The following PCDHGA5 variants were observed in gnomAD, a reference collection of about 807,000 sequenced individuals.
PCDHGA5 encodes protocadherin gamma-A5.
A neutral mutation model predicts 56.7 loss-of-function variants in PCDHGA5; 36 were observed. The observed-to-expected ratio is 0.64, with a 90% CI of 0.49 to 0.84. The LOEUF (loss-of-function observed/expected upper bound fraction) is 0.84. PCDHGA5 is among the 40% of genes least tolerant of loss of function. The probability of loss-of-function intolerance (pLI) is 0.00; values close to 1 mark genes in which losing one functional copy is unlikely to be tolerated. For synonymous variants in PCDHGA5, 563 were observed against 520.2 expected (o/e 1.08, Z -1.12); for missense variants, 1,305 against 1,201.5 (o/e 1.09, Z -1.27).
chr5:141,422,549 TGAA>T (rs1554114956), intron 1 of PCDHGA5: 8 of 1,614,026 alleles, frequency 5.0e-6, no homozygotes, highest in Non-Finnish European at 6.8e-6. Flanking sequence ...CATGTCTGGC[TGAA>T]TGTGGCAGAT....
intron 1 of PCDHGA5, chr5:141,383,586 G>A (rs1483422462): frequency 6.2e-7 from 1 of 1,613,654 alleles, no homozygotes; most frequent in Admixed American, 1.7e-5. Flanking sequence ...CCCACATCCA[G>A]GTGACAGTGG....
intron 1 of PCDHGA5, among the ~76,000 whole-genome samples, chr5:141,437,886 C>T (rs763669578): frequency 1.1e-4 from 17 of 152,140 alleles, no homozygotes; most frequent in Non-Finnish European, 1.5e-4. Context: ...TACAGGCACA[C>T]GCCACCACAC....
At chr5:141,409,858 G>A in intron 1 of PCDHGA5, 2 of 1,612,340 alleles carry the variant, frequency 1.2e-6, no homozygotes, top group Non-Finnish European at 1.7e-6. Context: ...GCGTGTTGGT[G>A]GGAGACCGCA....
At chr5:141,413,443 A>G (rs2095641277) in intron 1 of PCDHGA5, 1 of 1,613,986 alleles carries the variant, frequency 6.2e-7, no homozygotes, top group Admixed American at 1.7e-5. Context: ...CAGCTTGATC[A>G]CCGCGGGCAG....
rs753051237 is a variant in PCDHGA5, at chr5:141,490,422, A to G, written c.2422-4385A>G. On this transcript the variant is annotated intron_variant, in intron 1 of 3. Coordinates refer to ENST00000518069, the MANE Select transcript of PCDHGA5 (RefSeq NM_018918.3). This position sits in a 1 kb window ranked among gnomAD's most constrained non-coding sequence, Gnocchi z 5.4. Reference sequence around the variant, plus strand: ...GCCTTGATATCTCTCCGGACCTGCCATTTCAGATTAAGCCTTCTGAGAACC... The same window carrying G: ...GCCTTGATATCTCTCCGGACCTGCCGTTTCAGATTAAGCCTTCTGAGAACC... 1 of 1,614,178 alleles carries G rather than the reference A, an allele frequency of 6.2e-7. No individual in the cohort carries two copies. The highest frequency in any genetic ancestry group is 1.7e-5 in the Admixed American group (1 of 60,030).
chr5:141,427,711 A>G, intron 1 of PCDHGA5: 1 of 1,036,496 alleles, frequency 9.6e-7, no homozygotes. Context: ...AGCGCCTCTG[A>G]CCTGGACCTA....
chr5:141,403,762 T>G (rs1217388200), intron 1 of PCDHGA5: 1 of 1,613,854 alleles, frequency 6.2e-7, no homozygotes, highest in Non-Finnish European at 8.5e-7. Flanking sequence ...GCGACCTGGA[T>G]GAGGGAATCA....
Position 141,366,360 on chromosome 5 carries a change from G to T in PCDHGA5, c.2030G>T (p.Ser677Ile). ...RIPDILADLG[S>I]IKTPIDPEDL... ...CCTGACATCCTGGCTGACCTAGGCAGTATCAAGACCCCCATTGACCCTGAG... is the reference window on the plus strand; with the variant it reads ...CCTGACATCCTGGCTGACCTAGGCATTATCAAGACCCCCATTGACCCTGAG... The change falls in exon 1 of 4, where the codon AGT becomes ATT. Residue 677 changes from serine to isoleucine, a missense_variant. Ser to Ile is a moderately radical substitution (Grantham distance 142). Transcript: ENST00000518069. The T allele has an allele frequency of 6.2e-7, 1 of 1,614,024 alleles. No homozygotes were observed.
Position 141,394,674 on chromosome 5 carries a change from C to A in PCDHGA5, c.2421+27923C>A, listed in dbSNP as rs1236446796. ...CGAGCCGGGACTCTTCTCGGTGGGT[C>A]TGCACACGGGCGAGGTGCGCACGGC... On this transcript the variant is annotated intron_variant, in intron 1 of 3. Coordinates refer to ENST00000518069, the MANE Select transcript of PCDHGA5 (RefSeq NM_018918.3). 5.0e-6 allele frequency: 8 copies of A among 1,612,640 alleles called. No homozygotes were observed. The highest frequency in any genetic ancestry group is 6.8e-6 in the Non-Finnish European group (8 of 1,179,760).
Position 141,374,942 on chromosome 5 carries a change from A to G in PCDHGA5, c.2421+8191A>G, listed in dbSNP as rs758134474. The G allele has an allele frequency of 5.6e-6, 9 of 1,613,926 alleles. No individual in the cohort carries two copies. Among genetic ancestry groups the G allele is most frequent in the Non-Finnish European group, 7.6e-6 (9 of 1,179,910 alleles). ...TTATTCCTTTGTGAAGATTACAGAA[A>G]AGATCTCACAAATTTTCTGTTTGAA... On this transcript the variant is annotated intron_variant, in intron 1 of 3. Coordinates refer to ENST00000518069, the MANE Select transcript of PCDHGA5 (RefSeq NM_018918.3).
intron 1 of PCDHGA5, chr5:141,413,532 A>C (rs1269070438): frequency 9.9e-6 from 16 of 1,613,788 alleles, no homozygotes; most frequent in Non-Finnish European, 1.2e-5. Context: ...ACAGGGTGAA[A>C]CTTTTTGGGA....
At chr5:141,434,658 T>C (rs1243599957) in intron 1 of PCDHGA5, among the ~76,000 whole-genome samples, 2 of 152,198 alleles carry the variant, frequency 1.3e-5, no homozygotes, top group African/African-American at 2.4e-5. Flanking sequence ...ATCTAATATC[T>C]ATAGAAATGA....
At position 141,490,516 on chromosome 5, in the gene PCDHGA5, G is replaced by T. The variant is rs768123119; in HGVS notation, c.2422-4291G>T. The T allele has an allele frequency of 6.2e-7, 1 of 1,613,828 alleles. No individual in the cohort carries two copies. The highest frequency in any genetic ancestry group is 2.2e-5 in the East Asian group (1 of 44,864). On this transcript the variant is annotated intron_variant, in intron 1 of 3. Transcript: ENST00000518069. This position sits in a 1 kb window ranked among gnomAD's most constrained non-coding sequence, Gnocchi z 5.4. ...ATCCCACTATATCATCGAGCTGCTG[G>T]CCAGCGATGCTGGTTCACCTTCCCT... is the stretch of plus-strand genomic sequence containing the variant.
chr5:141,375,516 A>G (rs757383072), intron 1 of PCDHGA5: 1 of 1,613,900 alleles, frequency 6.2e-7, no homozygotes, highest in East Asian at 2.2e-5. Flanking sequence ...AATGCACTGG[A>G]CCCTGACGTG....
intron 3 of PCDHGA5, chr5:141,508,084 T>A (rs1422530110): frequency 6.6e-6 from 1 of 152,432 alleles, no homozygotes; most frequent in East Asian, 1.9e-4. Flanking sequence ...CTGGAGTTGC[T>A]GCCTTGGCCC....
At chr5:141,430,786 C>G (rs992448490) in intron 1 of PCDHGA5, 1 of 1,513,352 alleles carries the variant, frequency 6.6e-7, no homozygotes, top group Non-Finnish European at 8.8e-7. Context: ...TGCACCGGGA[C>G]TACAAAGGGC....
intron 1 of PCDHGA5, chr5:141,478,819 C>G (rs927315523): frequency 2.1e-6 from 3 of 1,447,842 alleles, no homozygotes; most frequent in Non-Finnish European, 2.7e-6. Context: ...CACAACTAAC[C>G]AATCTTGCTA....
intron 1 of PCDHGA5, chr5:141,408,080 C>G: frequency 7.1e-7 from 1 of 1,412,844 alleles, no homozygotes; most frequent in Non-Finnish European, 9.3e-7. Flanking sequence ...TTTCCCAGCA[C>G]AGCGGATTGC....
intron 1 of PCDHGA5, chr5:141,394,082 G>C: frequency 6.2e-7 from 1 of 1,613,830 alleles, no homozygotes; most frequent in Non-Finnish European, 8.5e-7. Flanking sequence ...TCACAGTGAT[G>C]GCCTCAGATC....
Sources: allele counts gnomAD v4.1 joint callset (sites outside exome capture counted in the v4.1 genomes callset), GRCh38; gene constraint gnomAD v4.1.1; non-coding constraint Gnocchi (gnomAD v3.1); transcripts MANE v1.5; gene names NCBI Gene and HGNC (gene_info 2026-07-23, HGNC 2026-07-21).